NWD2: variants seen among roughly 807,000 people sequenced by gnomAD.
NWD2 encodes the protein NACHT and WD repeat domain-containing protein 2.
In NWD2, 37 loss-of-function variants were observed where a neutral mutation model predicts 132.7. The observed-to-expected ratio is 0.28, with a 90% CI of 0.21 to 0.37. The LOEUF is 0.37. NWD2 is among the 10% of genes least tolerant of loss of function. NWD2 has a pLI of 1.00. For synonymous variants in NWD2, 705 were observed against 803.0 expected, an observed-to-expected ratio of 0.88 and a Z score of 2.06; for missense variants, 1,592 against 2,122.4, an observed-to-expected ratio of 0.75 and a Z score of 4.91.
intron 3 of NWD2, among the ~76,000 whole-genome samples, chr4:37,422,182 A>G (rs1560251742): frequency 6.6e-6 from 1 of 152,204 alleles, no homozygotes; most frequent in Non-Finnish European, 1.5e-5. Flanking sequence ...AACTGAATTT[A>G]AGTAACTCAA....
chr4:37,299,914 CAA>C (rs1334756270), intron 1 of NWD2, among the ~76,000 whole-genome samples: 1 of 152,142 alleles, frequency 6.6e-6, no homozygotes, highest in African/African-American at 2.4e-5. Context: ...AGAGAAACCT[CAA>C]AAGACTTGTG....
intron 1 of NWD2, among the ~76,000 whole-genome samples, chr4:37,315,170 A>C (rs976993205): frequency 6.6e-6 from 1 of 152,092 alleles, no homozygotes; most frequent in Non-Finnish European, 1.5e-5. Flanking sequence ...TTACAATTAA[A>C]CTTATGAGAC....
At chr4:37,261,899 C>A (rs1717644616) in intron 1 of NWD2, among the ~76,000 whole-genome samples, 3 of 152,102 alleles carry the variant, frequency 2.0e-5, no homozygotes, top group East Asian at 1.9e-4. Flanking sequence ...GCAGAACCAA[C>A]CAGATATATG....
rs923350245 is a variant in NWD2, at chr4:37,448,478, T to A, written c.*1261T>A. On this transcript the variant is annotated 3_prime_UTR_variant, in exon 7 of 7. Coordinates refer to ENST00000309447, the MANE Select transcript of NWD2 (RefSeq NM_001144990.2). ...CTGTGGAATGGTATTAAATATTTTT[T>A]AAAATTAATTCACCTGTTTAAAAGA... 4.6e-5 allele frequency: 7 copies of A among 152,340 alleles called. No individual in the cohort carries two copies. Among genetic ancestry groups the A allele is most frequent in the Admixed American group, 3.3e-4 (5 of 15,300 alleles). 9.4% of individuals were successfully genotyped at this position (152,340 alleles called of 1,614,324 possible).
chr4:37,379,512 A>C (rs60855646), intron 3 of NWD2, among the ~76,000 whole-genome samples: 1 of 152,124 alleles, frequency 6.6e-6, no homozygotes, highest in South Asian at 2.1e-4. Flanking sequence ...AGCACATGAC[A>C]TATGTTTTAT....
intron 2 of NWD2, among the ~76,000 whole-genome samples, chr4:37,348,671 T>TAC (rs1396602989): frequency 0.016 from 962 of 61,096 alleles, 10 homozygotes; most frequent in Non-Finnish European, 0.021. Context: ...TATATATATA[T>TAC]ATATACACAC....
chr4:37,318,940 G>T (rs1414811974), intron 1 of NWD2, among the ~76,000 whole-genome samples: 2 of 152,160 alleles, frequency 1.3e-5, no homozygotes, highest in African/African-American at 2.4e-5. Flanking sequence ...TGATGAAAAT[G>T]CAAATGCATC....
intron 1 of NWD2, among the ~76,000 whole-genome samples, chr4:37,288,546 A>G (rs907182379): frequency 1.8e-4 from 28 of 152,228 alleles, no homozygotes; most frequent in African/African-American, 6.3e-4. Flanking sequence ...AGTGCTTCTA[A>G]TTGTCAACCT....
intron 1 of NWD2, among the ~76,000 whole-genome samples, chr4:37,268,092 T>G (rs144395245): frequency 6.6e-6 from 1 of 151,910 alleles, no homozygotes; most frequent in Non-Finnish European, 1.5e-5. Context: ...CCCAGAAACA[T>G]CAAACTACTC....
chr4:37,266,450 A>C (rs996900449), intron 1 of NWD2, among the ~76,000 whole-genome samples: 1 of 152,070 alleles, frequency 6.6e-6, no homozygotes, highest in Non-Finnish European at 1.5e-5. Context: ...TCAAGCTTAC[A>C]GTTTTACAAC....
intron 1 of NWD2, among the ~76,000 whole-genome samples, chr4:37,288,153 C>G (rs765315266): frequency 6.6e-6 from 1 of 152,094 alleles, no homozygotes; most frequent in African/African-American, 2.4e-5. Context: ...CACACCAGGG[C>G]CTCTTAGGGG....
chr4:37,428,922 G>A (rs921001317), intron 3 of NWD2, among the ~76,000 whole-genome samples: 1 of 152,116 alleles, frequency 6.6e-6, no homozygotes, highest in Non-Finnish European at 1.5e-5. Flanking sequence ...AGTAGAGACA[G>A]GGTTTAACCA....
At chr4:37,284,065 G>T (rs534479673) in intron 1 of NWD2, among the ~76,000 whole-genome samples, 31 of 152,268 alleles carry the variant, frequency 2.0e-4, no homozygotes, top group African/African-American at 7.0e-4. Context: ...ATCTTAGTCT[G>T]TTTGGACTGT....
chr4:37,323,492 A>G (rs146458933), intron 1 of NWD2, among the ~76,000 whole-genome samples: 1 of 152,288 alleles, frequency 6.6e-6, no homozygotes, highest in East Asian at 1.9e-4. Flanking sequence ...ACAATGAGAT[A>G]CATTCTCATA....
At chr4:37,281,563 A>G (rs1718130964) in intron 1 of NWD2, among the ~76,000 whole-genome samples, 1 of 152,036 alleles carries the variant, frequency 6.6e-6, no homozygotes, top group Non-Finnish European at 1.5e-5. Context: ...CTTAAGTACT[A>G]TATATGTGTT....
rs149123594 is a variant in NWD2, at chr4:37,304,910, G to A, written c.152-21026G>A. 4.5e-4 allele frequency among the ~76,000 whole-genome samples: 69 copies of A among 152,278 alleles called. No individual in the cohort carries two copies. In the East Asian group the frequency reaches 0.011, roughly 25 times the overall value. ...CAGTGCCCCGGCACGGACAGTGTGC[G>A]GGGGCTTCAATACCACACTTCCCTT... is the stretch of plus-strand genomic sequence containing the variant. On this transcript the variant is annotated intron_variant, in intron 1 of 6. Coordinates refer to ENST00000309447, the MANE Select transcript of NWD2 (RefSeq NM_001144990.2).
chr4:37,420,605 C>A (rs766287953), intron 3 of NWD2, among the ~76,000 whole-genome samples: 8 of 152,204 alleles, frequency 5.3e-5, no homozygotes, highest in Non-Finnish European at 8.8e-5. Context: ...ATCGCTTGAA[C>A]CCAGAAGGTG....
At chr4:37,265,928 T>G (rs1717740885) in intron 1 of NWD2, among the ~76,000 whole-genome samples, 1 of 151,944 alleles carries the variant, frequency 6.6e-6, no homozygotes. Context: ...ACCACATTAT[T>G]TAGCTTACCT....
chr4:37,433,874 A>G lies in NWD2; in HGVS notation c.562-2A>G. ...TAATTTCTCCCTTTTACATTTCTAT[A>G]GATGCAGCCTTCTACCAATGCTGAA... On this transcript the variant is annotated splice_acceptor_variant, in intron 4 of 6. Transcript: ENST00000309447. LOFTEE classifies it high-confidence loss of function. 1 of 1,526,222 alleles carries G rather than the reference A, an allele frequency of 6.6e-7. No individual in the cohort carries two copies. The highest frequency in any genetic ancestry group is 8.8e-7 in the Non-Finnish European group (1 of 1,136,808). The allele number at this position is 1,526,222 out of a possible 1,614,324, so 94.5% of individuals were successfully genotyped here. A position where few individuals can be genotyped will look rare whatever the true frequency, so the allele number is the denominator to read the frequency against.
Sources: gnomAD v4.1 joint callset for allele counts (sites outside exome capture counted in the v4.1 genomes callset) on GRCh38, gnomAD v4.1.1 for gene constraint, MANE v1.5 for transcripts, NCBI Gene and HGNC (gene_info 2026-07-23, HGNC 2026-07-21) for gene names.